SBF2: variants seen among roughly 807,000 people sequenced by gnomAD.
SBF2 encodes SET binding factor 2.
A neutral mutation model predicts 225.2 loss-of-function variants in SBF2; 112 were observed. The ratio of observed to expected loss-of-function variants is 0.50; its 90% CI spans 0.43 to 0.58. SBF2 has a LOEUF of 0.58. Among genes scored for constraint, SBF2 ranks in the 20% least tolerant of loss-of-function variants. SBF2 has a pLI of 0.00. For synonymous variants in SBF2, 763 were observed against 773.3 expected (o/e 0.99, Z 0.22); for missense variants, 1,996 against 2,206.2 (o/e 0.90, Z 1.91).
At chr11:9,786,342 A>T (rs1346266214) in intron 36 of SBF2, among the ~76,000 whole-genome samples, 1 of 152,210 alleles carries the variant, frequency 6.6e-6, no homozygotes, top group African/African-American at 2.4e-5. Context: ...CTCATCTTTT[A>T]TAACTTTCTG....
intron 33 of SBF2, among the ~76,000 whole-genome samples, chr11:9,791,528 G>A (rs1346313344): frequency 6.6e-6 from 1 of 151,776 alleles, no homozygotes; most frequent in Non-Finnish European, 1.5e-5. Context: ...TTAACTGCAG[G>A]GTCCAGTGCA....
At chr11:9,841,179 A>G (rs768699865) in intron 25 of SBF2, among the ~76,000 whole-genome samples, 8 of 152,220 alleles carry the variant, frequency 5.3e-5, no homozygotes, top group Non-Finnish European at 7.3e-5. Flanking sequence ...TCATGTTTCC[A>G]TTTGTGAACT....
At chr11:9,837,858 C>T (rs958278817) in intron 26 of SBF2, among the ~76,000 whole-genome samples, 1 of 152,072 alleles carries the variant, frequency 6.6e-6, no homozygotes, top group Non-Finnish European at 1.5e-5. Flanking sequence ...CTGCCTCAGC[C>T]TCCCAAGTAG....
chr11:9,888,267 G>C (rs1039598559), intron 17 of SBF2, among the ~76,000 whole-genome samples: 6 of 152,138 alleles, frequency 3.9e-5, no homozygotes, highest in Non-Finnish European at 8.8e-5. Context: ...GGAAGCCAAG[G>C]GGGAGGATCA....
chr11:10,072,062 C>T (rs1171058155), intron 2 of SBF2, among the ~76,000 whole-genome samples: 1 of 152,148 alleles, frequency 6.6e-6, no homozygotes, highest in Non-Finnish European at 1.5e-5. Flanking sequence ...TTTTTGTATG[C>T]ATTTACATAC....
At chr11:9,817,358 AG>A (rs1854507872) in intron 28 of SBF2, among the ~76,000 whole-genome samples, 1 of 152,188 alleles carries the variant, frequency 6.6e-6, no homozygotes, top group Non-Finnish European at 1.5e-5. Flanking sequence ...ACATGCTGGC[AG>A]GAGGTACTAA....
chr11:9,829,447 G>C lies in SBF2; in HGVS notation c.3702C>G (p.Tyr1234Ter). The C allele has an allele frequency of 6.2e-7, 1 of 1,613,430 alleles. No individual in the cohort carries two copies. Among genetic ancestry groups the C allele is most frequent in the South Asian group, 1.1e-5 (1 of 91,070 alleles). ...AAACAGCATTCAGTAAGGCTTGCAA[G>C]TATTTCTCTTGTTCTATGCTACTGG... ...ESSSSIEQEK[Y>*]LQALLNAVSV... The change falls in exon 28 of 40, where the codon TAC becomes TAG. Residue 1234 changes from tyrosine to a stop codon, truncating the protein, a stop_gained. Coordinates refer to ENST00000256190, the MANE Select transcript of SBF2 (RefSeq NM_030962.4). LOFTEE classifies it high-confidence loss of function.
At chr11:10,280,939 A>C (rs1182647754) in intron 1 of SBF2, among the ~76,000 whole-genome samples, 2 of 152,176 alleles carry the variant, frequency 1.3e-5, no homozygotes. Flanking sequence ...AAGTTTTATG[A>C]AATGCAAAGC....
At chr11:10,172,350 C>CA (rs903546042) in intron 2 of SBF2, among the ~76,000 whole-genome samples, 4 of 151,078 alleles carry the variant, frequency 2.6e-5, no homozygotes, top group Non-Finnish European at 5.9e-5. Context: ...TTGTTTGTTT[C>CA]AAAAAAAAAT....
Position 10,097,704 on chromosome 11 carries a change from GC to G in SBF2, c.142-54724del, listed in dbSNP as rs976929493. ...TGGCCAACACCCCAGTAGAAAAAAA[GC>G]TTAAATAAATAGATGCATTGAAAAG... On this transcript the variant is annotated intron_variant, in intron 2 of 39. Transcript: ENST00000256190. Among the ~76,000 whole-genome samples, 3 of 152,194 alleles carry G rather than the reference GC, an allele frequency of 2.0e-5. No homozygotes were observed. In the East Asian group the frequency reaches 5.8e-4, roughly 29 times the overall value.
At chr11:10,238,839 G>A (rs566262400) in intron 1 of SBF2, among the ~76,000 whole-genome samples, 5 of 150,986 alleles carry the variant, frequency 3.3e-5, no homozygotes, top group African/African-American at 1.2e-4. Flanking sequence ...CTTGAACCTG[G>A]GAGGCAGAGG....
intron 2 of SBF2, among the ~76,000 whole-genome samples, chr11:10,100,438 G>A (rs1374628403): frequency 6.6e-6 from 1 of 152,186 alleles, no homozygotes; most frequent in Admixed American, 6.5e-5. Flanking sequence ...CTTGGACTGG[G>A]GGCTGATTCT....
At position 10,013,121 on chromosome 11, in the gene SBF2, T is replaced by C. The variant is rs564449783; in HGVS notation, c.620-10432A>G. Among the ~76,000 whole-genome samples the C allele has an allele frequency of 3.3e-5, 5 of 152,242 alleles. No individual in the cohort carries two copies. In the East Asian group the frequency reaches 9.6e-4, roughly 29 times the overall value. ...AGGCATGTATAGAGACATTGTCTAG[T>C]TCTTCTAAGACTTTCTCCTCTTCAC... On this transcript the variant is annotated intron_variant, in intron 6 of 39. Transcript: ENST00000256190.
intron 1 of SBF2, among the ~76,000 whole-genome samples, chr11:10,256,932 ATAAT>A (rs1591316742): frequency 6.6e-6 from 1 of 152,258 alleles, no homozygotes; most frequent in Admixed American, 6.5e-5. Context: ...CAGATGAAAG[ATAAT>A]TATTTATTAT....
intron 32 of SBF2, among the ~76,000 whole-genome samples, chr11:9,806,705 A>G (rs1468773713): frequency 6.6e-6 from 1 of 152,202 alleles, no homozygotes; most frequent in Non-Finnish European, 1.5e-5. Context: ...GTCTTTAATA[A>G]GTAAATTAGA....
At chr11:10,153,196 A>C (rs1955302121) in intron 2 of SBF2, among the ~76,000 whole-genome samples, 1 of 152,206 alleles carries the variant, frequency 6.6e-6, no homozygotes, top group Admixed American at 6.5e-5. Context: ...GATAAACTAG[A>C]GGAAGACTGG....
intron 17 of SBF2, among the ~76,000 whole-genome samples, chr11:9,871,293 C>T (rs2134049528): frequency 6.6e-6 from 1 of 151,446 alleles, no homozygotes; most frequent in Non-Finnish European, 1.5e-5. Context: ...CTTAAGTAGA[C>T]TTACAAGAAA....
rs768076833 is a variant in SBF2 at position 9,832,301 on chromosome 11, G to C, written c.3575C>G (p.Thr1192Ser). ...GAATCCTCCAGATCGGAGGAGCAGA[G>C]TACCACTTCTTGAGTTCTTCCAACA... ...VVCWKNSRSG[T>S]LLLRSGGFHG... is the part of the protein sequence containing the mutation. Residue 1192 changes from threonine (T) to serine (S), a missense_variant, in exon 27 of 40, where the codon ACT (threonine) becomes AGT (serine). Coordinates refer to ENST00000256190, the MANE Select transcript of SBF2 (RefSeq NM_030962.4). The C allele has an allele frequency of 5.6e-6, 9 of 1,614,142 alleles. No individual in the cohort carries two copies. Among genetic ancestry groups the C allele is most frequent in the East Asian group, 4.5e-5 (2 of 44,876 alleles).
chr11:9,889,458 A>T (rs2134113616), intron 17 of SBF2, among the ~76,000 whole-genome samples: 1 of 152,354 alleles, frequency 6.6e-6, no homozygotes, highest in South Asian at 2.1e-4. Flanking sequence ...AAATTCAGCA[A>T]TAAAGAAATT....
Sources: gnomAD v4.1 joint callset for allele counts (sites outside exome capture counted in the v4.1 genomes callset) on GRCh38, gnomAD v4.1.1 for gene constraint, MANE v1.5 for transcripts, NCBI Gene and HGNC (gene_info 2026-07-23, HGNC 2026-07-21) for gene names.